HIGD1A: variants seen among roughly 807,000 people sequenced by gnomAD.
HIGD1A encodes the protein HIG1 domain family member 1A, mitochondrial.
Under a neutral mutation model 11.3 loss-of-function variants are expected in HIGD1A, and 8 were observed. The ratio of observed to expected loss-of-function variants is 0.71; its 90% confidence interval spans 0.42 to 1.28. The LOEUF (loss-of-function observed/expected upper bound fraction) is 1.28, where lower values mean the gene tolerates loss of function less well. Among genes scored for constraint, HIGD1A ranks in the 50% most tolerant of loss-of-function variants. The pLI, the probability that HIGD1A is intolerant of heterozygous loss-of-function variation, is 0.01. For synonymous variants in HIGD1A, 32 were observed against 38.4 expected (o/e 0.83, Z 0.62); for missense variants, 107 against 118.8 (o/e 0.90, Z 0.46).
intron 2 of HIGD1A, among the ~76,000 whole-genome samples, chr3:42,787,893 T>A (rs1033688676): frequency 2.6e-5 from 4 of 151,954 alleles, no homozygotes; most frequent in Admixed American, 2.6e-4. Context: ...AAAATGTCTA[T>A]GAAGCTTTGA....
At chr3:42,802,453 A>T (rs1700577805) in intron 1 of HIGD1A, among the ~76,000 whole-genome samples, 1 of 152,246 alleles carries the variant, frequency 6.6e-6, no homozygotes, top group Admixed American at 6.5e-5. Context: ...ATTAATATTT[A>T]AAAATCCAAC....
At chr3:42,791,545 A>C (rs1218835941) in intron 2 of HIGD1A, among the ~76,000 whole-genome samples, 2 of 152,200 alleles carry the variant, frequency 1.3e-5, no homozygotes, top group African/African-American at 4.8e-5. Context: ...ATCACAGCCT[A>C]TTGGTGTAAA....
At chr3:42,795,987 C>G (rs907846489) in intron 1 of HIGD1A, among the ~76,000 whole-genome samples, 1 of 152,226 alleles carries the variant, frequency 6.6e-6, no homozygotes, top group Non-Finnish European at 1.5e-5. Context: ...ACTTAAAAGT[C>G]TATGCCCATC....
At chr3:42,787,102 T>C (rs1308551555) in intron 2 of HIGD1A, among the ~76,000 whole-genome samples, 4 of 152,168 alleles carry the variant, frequency 2.6e-5, no homozygotes, top group African/African-American at 9.7e-5. Context: ...ATGACTGGTA[T>C]AATATAGCAA....
intron 1 of HIGD1A, among the ~76,000 whole-genome samples, chr3:42,799,531 T>C (rs1221688724): frequency 1.3e-5 from 2 of 152,204 alleles, no homozygotes; most frequent in Admixed American, 1.3e-4. Flanking sequence ...CGATCTTTGC[T>C]CACCGCAACC....
chr3:42,788,531 A>AT (rs145627487), intron 2 of HIGD1A, among the ~76,000 whole-genome samples: 10,829 of 152,136 alleles, frequency 0.071, 818 homozygotes, highest in African/African-American at 0.19. Context: ...ATAGCAATAC[A>AT]TTTTTTTCCA....
At chr3:42,787,749 T>C (rs1416476746) in intron 2 of HIGD1A, among the ~76,000 whole-genome samples, 1 of 150,736 alleles carries the variant, frequency 6.6e-6, no homozygotes, top group East Asian at 1.9e-4. Flanking sequence ...TCTGTCTCTT[T>C]CAGAAAACAA....
intron 2 of HIGD1A, among the ~76,000 whole-genome samples, chr3:42,793,865 A>G (rs1263834232): frequency 6.6e-6 from 1 of 152,082 alleles, no homozygotes. Flanking sequence ...CCAGCTACTT[A>G]GGAGGCTGAG....
Position 42,796,922 on chromosome 3 carries a change from GTCTCCC to G in HIGD1A, c.-22-2653_-22-2648del, listed in dbSNP as rs1385559012. On this transcript the variant is annotated intron_variant, in intron 1 of 3. Coordinates refer to ENST00000321331, the MANE Select transcript of HIGD1A (RefSeq NM_014056.4). ...CCTCTCCCTCTCCGTCTCCCTCTCC[GTCTCCC>G]TCTCCCTCTCCCTCCTTCTCCGTCT... Among the ~76,000 whole-genome samples, 2 of 524 alleles carry G rather than the reference GTCTCCC, an allele frequency of 3.8e-3. 1 individual carries two copies. The highest frequency in any genetic ancestry group is 3.9e-3 in the African/African-American group (2 of 512). The allele number at this position is 524 out of a possible 152,430, so 0.3% of individuals were successfully genotyped here.
At chr3:42,790,115 T>C (rs981468462) in intron 2 of HIGD1A, among the ~76,000 whole-genome samples, 1 of 152,214 alleles carries the variant, frequency 6.6e-6, no homozygotes, top group Non-Finnish European at 1.5e-5. Flanking sequence ...ACTGCTGTTG[T>C]TGCCTGGATA....
intron 1 of HIGD1A, among the ~76,000 whole-genome samples, chr3:42,800,153 C>A (rs1170270848): frequency 1.3e-5 from 2 of 151,806 alleles, no homozygotes; most frequent in East Asian, 1.9e-4. Flanking sequence ...TGGTGAAACC[C>A]CCATCTCTAC....
intron 2 of HIGD1A, among the ~76,000 whole-genome samples, chr3:42,791,799 G>A (rs1700424979): frequency 6.6e-6 from 1 of 152,016 alleles, no homozygotes; most frequent in Non-Finnish European, 1.5e-5. Context: ...ATTTCATAAT[G>A]ACTTAAATGA....
At chr3:42,792,881 C>G (rs897071980) in intron 2 of HIGD1A, among the ~76,000 whole-genome samples, 1 of 151,178 alleles carries the variant, frequency 6.6e-6, no homozygotes, top group Non-Finnish European at 1.5e-5. Context: ...ACTCAGGAGG[C>G]TGAGGCAGAA....
intron 2 of HIGD1A, among the ~76,000 whole-genome samples, chr3:42,791,802 TTAAATGACTTAAAAGTCA>T (rs1700425033): frequency 6.6e-6 from 1 of 152,216 alleles, no homozygotes; most frequent in African/African-American, 2.4e-5. Flanking sequence ...TCATAATGAC[TTAAATGACTTAAAAGTCA>T]TAAATGACTT....
intron 2 of HIGD1A, among the ~76,000 whole-genome samples, chr3:42,790,196 A>T (rs1406295265): frequency 2.0e-5 from 3 of 152,220 alleles, no homozygotes; most frequent in Admixed American, 6.5e-5. Context: ...TGGTTTGCAG[A>T]TCATCTAACT....
chr3:42,794,531 T>A (rs1700471154), intron 1 of HIGD1A, among the ~76,000 whole-genome samples: 1 of 152,210 alleles, frequency 6.6e-6, no homozygotes, highest in South Asian at 2.1e-4. Context: ...AGCACCATGT[T>A]AATTAAAAAT....
intron 2 of HIGD1A, among the ~76,000 whole-genome samples, chr3:42,787,715 T>C (rs1260682904): frequency 6.7e-6 from 1 of 150,324 alleles, no homozygotes; most frequent in East Asian, 1.9e-4. Context: ...ATTAGCTCTA[T>C]TAGAAGACAA....
At chr3:42,803,133 G>A (rs1700589673) in intron 1 of HIGD1A, among the ~76,000 whole-genome samples, 1 of 152,144 alleles carries the variant, frequency 6.6e-6, no homozygotes, top group African/African-American at 2.4e-5. Flanking sequence ...TCAGAAAGTT[G>A]AATAGACGCT....
chr3:42,789,243 C>T (rs1350153258), intron 2 of HIGD1A, among the ~76,000 whole-genome samples: 1 of 151,934 alleles, frequency 6.6e-6, no homozygotes, highest in Non-Finnish European at 1.5e-5. Context: ...GGTTTCCCCA[C>T]ATTGGTCAGG....
Sources: gnomAD v4.1 joint callset for allele counts (sites outside exome capture counted in the v4.1 genomes callset) on GRCh38, gnomAD v4.1.1 for gene constraint, MANE v1.5 for transcripts, NCBI Gene and HGNC (gene_info 2026-07-23, HGNC 2026-07-21) for gene names.